Variants in MOB1B observed in about 807,000 individuals in gnomAD.
MOB1B encodes the protein MOB kinase activator 1B, also known as MOB1 Mps One Binder homolog B.
In MOB1B, 19 loss-of-function variants were observed where a neutral mutation model predicts 24.4. The ratio of observed to expected loss-of-function variants is 0.78; its 90% CI spans 0.54 to 1.14. The LOEUF (loss-of-function observed/expected upper bound fraction) is 1.14. MOB1B is among the 50% of genes most tolerant of loss of function. The pLI, the probability that MOB1B is intolerant of heterozygous loss-of-function variation, is 0.00. For missense variants in MOB1B, 243 were observed against 259.6 expected (o/e 0.94, Z 0.44); for synonymous variants, 76 against 82.1 (o/e 0.93, Z 0.40).
At chr4:70,931,930 G>T (rs72646421) in intron 1 of MOB1B, among the ~76,000 whole-genome samples, 6,210 of 151,928 alleles carry the variant, frequency 0.041, 240 homozygotes, top group Non-Finnish European at 0.045. Context: ...TGGTCTTACT[G>T]TGTGGCCCAG....
At chr4:70,965,793 T>C in intron 2 of MOB1B, among the ~76,000 whole-genome samples, 1 of 75,954 alleles carries the variant, frequency 1.3e-5, no homozygotes, top group African/African-American at 7.9e-5. Flanking sequence ...CGAGACTCCG[T>C]CTCAAAAAAA....
chr4:70,904,884 G>A (rs923526751), intron 1 of MOB1B, among the ~76,000 whole-genome samples: 1 of 152,096 alleles, frequency 6.6e-6, no homozygotes, highest in African/African-American at 2.4e-5. Context: ...ACATGGCTCA[G>A]TATTTAATAG....
At chr4:70,921,513 T>TCCCCTCCCCG (rs1491189478) in intron 1 of MOB1B, among the ~76,000 whole-genome samples, 2 of 28,594 alleles carry the variant, frequency 7.0e-5, no homozygotes, top group South Asian at 1.5e-3. Context: ...TCCCCTCCCC[T>TCCCCTCCCCG]TCCCTTTTCC....
At chr4:70,920,369 C>T (rs1326562299) in intron 1 of MOB1B, among the ~76,000 whole-genome samples, 5 of 152,068 alleles carry the variant, frequency 3.3e-5, no homozygotes, top group African/African-American at 4.8e-5. Context: ...GGATTACAGG[C>T]GTGCCCCGCC....
intron 1 of MOB1B, among the ~76,000 whole-genome samples, chr4:70,927,020 A>G (rs565082205): frequency 1.7e-4 from 26 of 152,008 alleles, no homozygotes; most frequent in Middle Eastern, 6.8e-3. Flanking sequence ...AAAAAAAGAA[A>G]TAAGATGCGG....
rs558023524 is a variant in MOB1B at position 70,965,519 on chromosome 4, C to T, written c.182-4412C>T. On this transcript the variant is annotated intron_variant, in intron 2 of 5. Coordinates refer to ENST00000309395, the MANE Select transcript of MOB1B (RefSeq NM_173468.4). ...TAGCATTAAAAGTTGTAAGAGAGGC[C>T]GGGCGCGGTGGCTCACGCCTGTAAT... Among the ~76,000 whole-genome samples the T allele has an allele frequency of 7.3e-5, 11 of 150,870 alleles. No individual in the cohort carries two copies. In the East Asian group the frequency reaches 7.8e-4, roughly 11 times the overall value.
Position 70,942,093 on chromosome 4 carries a change from A to G in MOB1B, c.15-16781A>G, listed in dbSNP as rs1578373222. Among the ~76,000 whole-genome samples, 4 of 152,282 alleles carry G rather than the reference A, an allele frequency of 2.6e-5. No individual in the cohort carries two copies. In the East Asian group the frequency reaches 7.7e-4, roughly 29 times the overall value. ...TTAAATCCTCAATGTCTTTGACCTTAATTACACATTGGTTAAAATTGACCT... is the reference window on the plus strand; with the variant it reads ...TTAAATCCTCAATGTCTTTGACCTTGATTACACATTGGTTAAAATTGACCT... On this transcript the variant is annotated intron_variant, in intron 1 of 5. Coordinates refer to ENST00000309395, the MANE Select transcript of MOB1B (RefSeq NM_173468.4).
chr4:70,946,068 C>G (rs552937001), intron 1 of MOB1B, among the ~76,000 whole-genome samples: 1 of 140,082 alleles, frequency 7.1e-6, no homozygotes, highest in Non-Finnish European at 1.5e-5. Context: ...TTTGGCTAAG[C>G]TGGTTTTTGT....
chr4:70,930,910 G>A (rs1736865881), intron 1 of MOB1B, among the ~76,000 whole-genome samples: 2 of 150,316 alleles, frequency 1.3e-5, no homozygotes, highest in African/African-American at 4.9e-5. Context: ...CACTTTTGCA[G>A]TTGACTGTAT....
Position 70,975,292 on chromosome 4 carries a change from A to G in MOB1B, c.409+6A>G. On this transcript the variant is annotated splice_donor_region_variant and intron_variant, in intron 4 of 5. Transcript: ENST00000309395. ...GTTATTTCCATCAAAAATTGGTATA[A>G]TTAATTTTTGTAAGGGGGATCCATC... The G allele has an allele frequency of 1.2e-6, 2 of 1,609,766 alleles. No homozygotes were observed. Among genetic ancestry groups the G allele is most frequent in the African/African-American group, 1.3e-5 (1 of 74,740 alleles).
chr4:70,974,341 T>G (rs1361789166), intron 3 of MOB1B, among the ~76,000 whole-genome samples: 1 of 152,142 alleles, frequency 6.6e-6, no homozygotes, highest in Admixed American at 6.5e-5. Context: ...TGACCTCAAG[T>G]GATCCACGTG....
chr4:70,913,194 C>T (rs567164518), intron 1 of MOB1B, among the ~76,000 whole-genome samples: 3 of 152,180 alleles, frequency 2.0e-5, no homozygotes, highest in South Asian at 4.1e-4. Context: ...ATTTGAGTTA[C>T]GCATTTGAGG....
At chr4:70,910,463 A>G (rs997642326) in intron 1 of MOB1B, among the ~76,000 whole-genome samples, 1 of 151,738 alleles carries the variant, frequency 6.6e-6, no homozygotes, top group Admixed American at 6.6e-5. Context: ...GTGTGTATGT[A>G]TATCTATATA....
At chr4:70,972,569 G>A (rs1738800454) in intron 3 of MOB1B, among the ~76,000 whole-genome samples, 1 of 152,070 alleles carries the variant, frequency 6.6e-6, no homozygotes, top group Admixed American at 6.6e-5. Flanking sequence ...GGAGTTTGCA[G>A]TTTACAAGTT....
At chr4:70,935,886 C>G (rs1205642817) in intron 1 of MOB1B, among the ~76,000 whole-genome samples, 4 of 131,906 alleles carry the variant, frequency 3.0e-5, no homozygotes, top group Non-Finnish European at 6.2e-5. Context: ...GAGTCTCGCT[C>G]TGTTGCCCAG....
intron 1 of MOB1B, among the ~76,000 whole-genome samples, chr4:70,905,510 T>C (rs1169541778): frequency 1.3e-5 from 2 of 152,072 alleles, no homozygotes; most frequent in Admixed American, 6.6e-5. Context: ...TCCAAGATGC[T>C]GAGGTTACAG....
chr4:70,909,677 T>C lies in MOB1B; in HGVS notation c.14+7127T>C, dbSNP rs887858653. Among the ~76,000 whole-genome samples the C allele has an allele frequency of 2.0e-5, 3 of 152,082 alleles. No homozygotes were observed. The South Asian group carries it at 6.2e-4, about 32-fold the overall frequency. On this transcript the variant is annotated intron_variant, in intron 1 of 5. Coordinates refer to ENST00000309395, the MANE Select transcript of MOB1B (RefSeq NM_173468.4). ...TCAAAATCATGTGGCCAGTAAATAG[T>C]GTAGCTGGAATTTGAGTCCTGGAAG...
At chr4:70,977,225 T>C (rs9993779) in intron 4 of MOB1B, among the ~76,000 whole-genome samples, 2,541 of 152,314 alleles carry the variant, frequency 0.017, 29 homozygotes, top group Middle Eastern at 0.048. Context: ...TTTTATTTGT[T>C]GTCTCTTTAG....
intron 2 of MOB1B, among the ~76,000 whole-genome samples, chr4:70,960,765 A>C (rs188043042): frequency 1.3e-5 from 2 of 152,264 alleles, no homozygotes; most frequent in Admixed American, 1.3e-4. Context: ...GACAATATTC[A>C]GAATGAATCT....
Sources: allele counts gnomAD v4.1 joint callset (sites outside exome capture counted in the v4.1 genomes callset), GRCh38; gene constraint gnomAD v4.1.1; transcripts MANE v1.5; gene names NCBI Gene and HGNC (gene_info 2026-07-23, HGNC 2026-07-21).